Variants in CSMD3 observed in about 807,000 individuals in gnomAD.
The protein encoded by CSMD3 is CUB and sushi domain-containing protein 3.
CSMD3 carries 177 observed loss-of-function variants against 435.2 expected under a neutral mutation model. The observed-to-expected ratio is 0.41, with a 90% confidence interval of 0.36 to 0.46. The LOEUF (loss-of-function observed/expected upper bound fraction) is 0.46. CSMD3 is among the 20% of genes least tolerant of loss of function. CSMD3 has a pLI of 0.34. For missense variants in CSMD3, 4,265 were observed against 4,504.6 expected (o/e 0.95, Z 1.52); for synonymous variants, 1,656 against 1,520.5 (o/e 1.09, Z -2.07).
intron 50 of CSMD3, among the ~76,000 whole-genome samples, chr8:112,309,293 C>T (rs1821732784): frequency 6.6e-6 from 1 of 151,564 alleles, no homozygotes; most frequent in Non-Finnish European, 1.5e-5. Context: ...CAAAATGTTT[C>T]TTAAGGATTA....
chr8:112,553,207 C>T (rs1299297732), intron 25 of CSMD3, among the ~76,000 whole-genome samples: 1 of 152,046 alleles, frequency 6.6e-6, no homozygotes, highest in Non-Finnish European at 1.5e-5. Flanking sequence ...CCCTTGTACT[C>T]TCCCAAAAGT....
intron 13 of CSMD3, among the ~76,000 whole-genome samples, chr8:112,797,237 C>T (rs1337443201): frequency 6.6e-6 from 1 of 151,824 alleles, no homozygotes; most frequent in Non-Finnish European, 1.5e-5. Context: ...GTTTTGGAGT[C>T]CTAAGGTTCT....
chr8:112,617,946 C>G (rs1833785563), intron 22 of CSMD3, among the ~76,000 whole-genome samples: 1 of 152,046 alleles, frequency 6.6e-6, no homozygotes, highest in Admixed American at 6.6e-5. Context: ...TAGGATTGGA[C>G]AGGGCAACTC....
At chr8:112,233,996 A>G (rs1354245578) in intron 68 of CSMD3, among the ~76,000 whole-genome samples, 3 of 152,126 alleles carry the variant, frequency 2.0e-5, no homozygotes, top group African/African-American at 7.2e-5. Flanking sequence ...AGATTGAATT[A>G]TATTTTATCC....
chr8:112,342,386 A>AT (rs1361329205), intron 41 of CSMD3, among the ~76,000 whole-genome samples: 2 of 152,112 alleles, frequency 1.3e-5, no homozygotes, highest in African/African-American at 4.8e-5. Flanking sequence ...TGCTTAATTA[A>AT]TTTAACACTC....
intron 7 of CSMD3, among the ~76,000 whole-genome samples, chr8:112,957,240 C>G (rs146074179): frequency 1.6e-3 from 240 of 152,062 alleles, no homozygotes; most frequent in African/African-American, 5.6e-3. Flanking sequence ...TTCTAATGAC[C>G]ATATTTAACT....
At chr8:112,732,658 C>G (rs1452130871) in intron 13 of CSMD3, among the ~76,000 whole-genome samples, 1 of 148,272 alleles carries the variant, frequency 6.7e-6, no homozygotes, top group East Asian at 2.0e-4. Flanking sequence ...CAAGATCATG[C>G]CACTCCACTC....
intron 38 of CSMD3, among the ~76,000 whole-genome samples, chr8:112,379,912 T>A (rs1829312316): frequency 6.6e-6 from 1 of 152,172 alleles, no homozygotes; most frequent in African/African-American, 2.4e-5. Flanking sequence ...TCCACTTCCA[T>A]GGGAAATCTA....
intron 5 of CSMD3, among the ~76,000 whole-genome samples, chr8:113,072,482 G>C (rs2089168993): frequency 6.6e-6 from 1 of 151,394 alleles, no homozygotes; most frequent in Non-Finnish European, 1.5e-5. Flanking sequence ...TTCTATATCT[G>C]TTTTGTTTAG....
intron 3 of CSMD3, among the ~76,000 whole-genome samples, chr8:113,275,521 T>C (rs2093563056): frequency 6.6e-6 from 1 of 152,042 alleles, no homozygotes; most frequent in Non-Finnish European, 1.5e-5. Context: ...GGTTCAGTGT[T>C]GACAATTTGA....
At chr8:112,549,868 A>C (rs1225959397) in intron 27 of CSMD3, among the ~76,000 whole-genome samples, 1 of 151,996 alleles carries the variant, frequency 6.6e-6, no homozygotes, top group African/African-American at 2.4e-5. Context: ...ACATTTGAAG[A>C]GTACTGGTTT....
chr8:112,875,199 A>C (rs2130105691), intron 10 of CSMD3, among the ~76,000 whole-genome samples: 1 of 152,248 alleles, frequency 6.6e-6, no homozygotes, highest in African/African-American at 2.4e-5. Flanking sequence ...CTGGATATGA[A>C]ATTCTAGGTT....
At position 113,314,672 on chromosome 8, in the gene CSMD3, T is replaced by A. The variant is rs1002951683; in HGVS notation, c.300A>T (p.Arg100=). The change falls in exon 2 of 71, where the codon CGA becomes CGT. Residue 100 remains arginine (R), a synonymous_variant. Transcript: ENST00000297405. The stretch of plus-strand genomic sequence containing the variant: ...ACTGAAAAACAATTTGTATTCTATT[T>A]CGTTCTTCTGCTATTATTACCCATG... ...NCTWVIIAEE[R]NRIQIVFQSF... 6.2e-7 allele frequency: 1 copy of A among 1,611,560 alleles called. No homozygotes were observed. The highest frequency in any genetic ancestry group is 8.5e-7 in the Non-Finnish European group (1 of 1,177,884).
intron 1 of CSMD3, among the ~76,000 whole-genome samples, chr8:113,385,020 C>G (rs2094433401): frequency 6.6e-6 from 1 of 152,120 alleles, no homozygotes; most frequent in Non-Finnish European, 1.5e-5. Flanking sequence ...TAATGAAAGA[C>G]AGGAGTTATC....
At chr8:113,400,775 C>T (rs928265678) in intron 1 of CSMD3, among the ~76,000 whole-genome samples, 29 of 151,672 alleles carry the variant, frequency 1.9e-4, no homozygotes, top group Non-Finnish European at 4.0e-4. Context: ...TGGTACAAAC[C>T]CAGGAATTAC....
chr8:112,281,597 A>G (rs1818649325), intron 58 of CSMD3, among the ~76,000 whole-genome samples: 1 of 152,156 alleles, frequency 6.6e-6, no homozygotes, highest in African/African-American at 2.4e-5. Context: ...TAAAAACTCT[A>G]CAGAGTAAAA....
intron 10 of CSMD3, among the ~76,000 whole-genome samples, chr8:112,918,836 ACAGAAGCT>A (rs1198240102): frequency 6.6e-6 from 1 of 151,938 alleles, no homozygotes; most frequent in Non-Finnish European, 1.5e-5. Flanking sequence ...CAATACACAG[ACAGAAGCT>A]ATGTTAATAA....
intron 61 of CSMD3, among the ~76,000 whole-genome samples, chr8:112,263,167 A>C (rs1000958428): frequency 4.0e-5 from 6 of 151,834 alleles, no homozygotes; most frequent in Non-Finnish European, 7.4e-5. Flanking sequence ...CAAAACAAAC[A>C]AACAAGAAAC....
At chr8:113,260,217 GA>G (rs910405449) in intron 3 of CSMD3, among the ~76,000 whole-genome samples, 1 of 152,104 alleles carries the variant, frequency 6.6e-6, no homozygotes, top group African/African-American at 2.4e-5. Context: ...AGGATTGAAT[GA>G]AGAAATGGTG....
Sources: gnomAD v4.1 joint callset for allele counts (sites outside exome capture counted in the v4.1 genomes callset) on GRCh38, gnomAD v4.1.1 for gene constraint, MANE v1.5 for transcripts, NCBI Gene and HGNC (gene_info 2026-07-23, HGNC 2026-07-21) for gene names.